Variants in SUGCT observed in about 807,000 individuals in gnomAD.
The protein encoded by SUGCT is succinyl-CoA:glutarate CoA-transferase.
In SUGCT, 41 loss-of-function variants were observed where a neutral mutation model predicts 55.0. The ratio of observed to expected loss-of-function variants is 0.74; its 90% CI spans 0.58 to 0.97. The LOEUF (loss-of-function observed/expected upper bound fraction) is 0.97, where lower values mean the gene tolerates loss of function less well. SUGCT is among the 50% of genes least tolerant of loss of function. SUGCT has a pLI of 0.00. For synonymous variants in SUGCT, 187 were observed against 200.4 expected, an observed-to-expected ratio of 0.93 and a Z score of 0.56; for missense variants, 568 against 547.8, an observed-to-expected ratio of 1.04 and a Z score of -0.37.
intron 13 of SUGCT, among the ~76,000 whole-genome samples, chr7:40,813,347 C>G (rs1173955502): frequency 6.6e-6 from 1 of 151,822 alleles, no homozygotes; most frequent in Non-Finnish European, 1.5e-5. Flanking sequence ...CTGTGTACAT[C>G]TTTTCATATG....
At chr7:40,905,808 T>C in the SUGCT span, among the ~76,000 whole-genome samples, 6 of 152,022 alleles carry the variant, frequency 3.9e-5, no homozygotes, top group South Asian at 1.0e-3. Context: ...AGCCTCAAAT[T>C]CCTGGGCTCA....
intron 7 of SUGCT, among the ~76,000 whole-genome samples, chr7:40,266,607 T>C (rs1791596702): frequency 6.6e-6 from 1 of 152,202 alleles, no homozygotes; most frequent in South Asian, 2.1e-4. Context: ...ATACAATTCT[T>C]TTATCTAAAC....
chr7:40,652,398 T>C lies in SUGCT; in HGVS notation c.1090-97036T>C, dbSNP rs192654376. Among the ~76,000 whole-genome samples the C allele has an allele frequency of 2.0e-3, 304 of 152,300 alleles. 1 individual carries two copies. The highest frequency in any genetic ancestry group is 6.8e-3 in the Middle Eastern group (2 of 294). On this transcript the variant is annotated intron_variant, in intron 12 of 13. Transcript: ENST00000335693. ...TCTCTGGTTTGATGAACTGATTGAATACATGAAAAAATACATTTGTGATAT... is the reference window on the plus strand; with the variant it reads ...TCTCTGGTTTGATGAACTGATTGAACACATGAAAAAATACATTTGTGATAT...
At chr7:40,681,040 G>A (rs1784214152) in intron 12 of SUGCT, among the ~76,000 whole-genome samples, 1 of 152,118 alleles carries the variant, frequency 6.6e-6, no homozygotes, top group South Asian at 2.1e-4. Flanking sequence ...ATACACCTCA[G>A]ATACTGGGAA....
In SUGCT at chr7:40,610,677, G is replaced by T. The variant is rs76620751; in HGVS notation, c.1089+114291G>T. ...CATTTGTTTTGGCAAAGCCAAAATTGAGTGTTTAGAAATGGGGTGTTCTGA... is the reference window on the plus strand; with the variant it reads ...CATTTGTTTTGGCAAAGCCAAAATTTAGTGTTTAGAAATGGGGTGTTCTGA... On this transcript the variant is annotated intron_variant, in intron 12 of 13. Transcript: ENST00000335693. Among the ~76,000 whole-genome samples the T allele has an allele frequency of 6.6e-3, 999 of 152,280 alleles. 10 individuals carry two copies. The highest frequency in any genetic ancestry group is 0.02 in the African/African-American group (828 of 41,548).
At chr7:40,736,320 C>T (rs1017533938) in intron 12 of SUGCT, among the ~76,000 whole-genome samples, 2 of 145,350 alleles carry the variant, frequency 1.4e-5, no homozygotes, top group Middle Eastern at 3.6e-3. Context: ...TCTTATAATA[C>T]ATTATATATA....
At chr7:40,555,548 A>T (rs1292156937) in intron 12 of SUGCT, among the ~76,000 whole-genome samples, 2 of 152,134 alleles carry the variant, frequency 1.3e-5, no homozygotes, top group Non-Finnish European at 2.9e-5. Context: ...GTGATAGAAC[A>T]GTATCTCTCC....
At chr7:40,934,699 G>A in the SUGCT span, among the ~76,000 whole-genome samples, 1 of 152,014 alleles carries the variant, frequency 6.6e-6, no homozygotes, top group Middle Eastern at 3.4e-3. Flanking sequence ...ATCTCAGACT[G>A]CTGCGCTAGC....
At chr7:40,322,892 A>G (rs1795825299) in intron 9 of SUGCT, among the ~76,000 whole-genome samples, 1 of 151,816 alleles carries the variant, frequency 6.6e-6, no homozygotes, top group Admixed American at 6.6e-5. Flanking sequence ...CCTGACTTGG[A>G]AGGTTGAGGC....
In SUGCT at chr7:40,406,281, G is replaced by A. The variant is rs2151331665; in HGVS notation, c.817-43006G>A. Among the ~76,000 whole-genome samples, 4 of 152,196 alleles carry A rather than the reference G, an allele frequency of 2.6e-5. No individual in the cohort carries two copies. The East Asian group carries it at 7.7e-4, about 29-fold the overall frequency. ...AATACCAATCTTAGGTTTGACAATG[G>A]TAATATTATATATAGGAGTAACTGG... On this transcript the variant is annotated intron_variant, in intron 9 of 13. Coordinates refer to ENST00000335693, the MANE Select transcript of SUGCT (RefSeq NM_001193313.2).
At chr7:40,318,487 T>G (rs953499909) in intron 9 of SUGCT, among the ~76,000 whole-genome samples, 4 of 152,214 alleles carry the variant, frequency 2.6e-5, no homozygotes, top group Non-Finnish European at 5.9e-5. Context: ...CCTATGTGGG[T>G]GTGCAGTGGC....
At chr7:40,948,638 T>A in the SUGCT span, among the ~76,000 whole-genome samples, 1 of 151,230 alleles carries the variant, frequency 6.6e-6, no homozygotes, top group Non-Finnish European at 1.5e-5. Flanking sequence ...CAGTGTGTGA[T>A]ATTCCCCTGT....
chr7:40,171,945 T>C (rs1247203684), intron 1 of SUGCT, among the ~76,000 whole-genome samples: 1 of 152,238 alleles, frequency 6.6e-6, no homozygotes, highest in Non-Finnish European at 1.5e-5. Context: ...CTGTTTTTTC[T>C]TTAACTACTT....
At chr7:40,433,405 C>G (rs7782097) in intron 9 of SUGCT, among the ~76,000 whole-genome samples, 105,094 of 151,480 alleles carry the variant, frequency 0.69, 36,819 homozygotes, top group East Asian at 0.99. Flanking sequence ...ACATATAATT[C>G]AGATTCACAA....
chr7:40,271,085 T>A (rs1296717335), intron 7 of SUGCT, among the ~76,000 whole-genome samples: 2 of 152,150 alleles, frequency 1.3e-5, no homozygotes, highest in Non-Finnish European at 2.9e-5. Flanking sequence ...TTCTAAGAGT[T>A]TTTTAGTGGA....
chr7:40,175,767 A>G (rs1424251229), intron 1 of SUGCT, among the ~76,000 whole-genome samples: 1 of 152,134 alleles, frequency 6.6e-6, no homozygotes, highest in African/African-American at 2.4e-5. Context: ...CATTAAATAT[A>G]CTGCAAGAGG....
chr7:40,547,936 T>C (rs1471926236), intron 12 of SUGCT, among the ~76,000 whole-genome samples: 1 of 152,136 alleles, frequency 6.6e-6, no homozygotes, highest in African/African-American at 2.4e-5. Context: ...CATAGAGCTT[T>C]GCACATGTCT....
chr7:40,949,265 G>GTCTGTTCA, the SUGCT span, among the ~76,000 whole-genome samples: 1 of 152,198 alleles, frequency 6.6e-6, no homozygotes, highest in Non-Finnish European at 1.5e-5. Flanking sequence ...TTTGAGAAGT[G>GTCTGTTCA]TCTGTTCATA....
intron 12 of SUGCT, among the ~76,000 whole-genome samples, chr7:40,596,088 T>C (rs977258719): frequency 5.0e-4 from 76 of 152,308 alleles, no homozygotes; most frequent in Non-Finnish European, 1.0e-3. Context: ...CTTTTCAAAC[T>C]AGAGAATCCC....
Sources: gnomAD v4.1 joint callset for allele counts (sites outside exome capture counted in the v4.1 genomes callset) on GRCh38, gnomAD v4.1.1 for gene constraint, MANE v1.5 for transcripts, NCBI Gene and HGNC (gene_info 2026-07-23, HGNC 2026-07-21) for gene names.